Variants in SLC1A2 observed in about 807,000 individuals in gnomAD.
The protein encoded by SLC1A2 is excitatory amino acid transporter 2.
Under a neutral mutation model 48.8 loss-of-function variants are expected in SLC1A2, and 15 were observed. The ratio of observed to expected loss-of-function variants is 0.31; its 90% CI spans 0.21 to 0.47. The LOEUF is 0.47. Ranked by LOEUF, SLC1A2 falls within the 20% of genes least tolerant of loss-of-function variation. The probability of loss-of-function intolerance (pLI) is 0.99; values close to 1 mark genes in which losing one functional copy is unlikely to be tolerated. For missense variants in SLC1A2, 502 were observed against 730.5 expected, an observed-to-expected ratio of 0.69 and a Z score of 3.61; for synonymous variants, 279 against 272.6, an observed-to-expected ratio of 1.02 and a Z score of -0.23.
chr11:35,297,321 C>T (rs553419132), intron 6 of SLC1A2, among the ~76,000 whole-genome samples: 1 of 152,044 alleles, frequency 6.6e-6, no homozygotes, highest in African/African-American at 2.4e-5. Context: ...TCCTTACCCC[C>T]GAGCATCCAC....
intron 6 of SLC1A2, among the ~76,000 whole-genome samples, chr11:35,295,955 A>G (rs1851159151): frequency 6.6e-6 from 1 of 152,196 alleles, no homozygotes; most frequent in African/African-American, 2.4e-5. Context: ...TGGGCTTACC[A>G]CATACCTATG....
chr11:35,253,409 A>C lies in SLC1A2; in HGVS notation c.*7485T>G, dbSNP rs1272491036. On this transcript the variant is annotated 3_prime_UTR_variant, in exon 11 of 11. Transcript: ENST00000278379. ...AGTCTCTGCTACTCAAAGTTTTCCT[A>C]AGCCAATTTCCACATAAACCTTTAG... 2.0e-5 allele frequency: 3 copies of C among 152,592 alleles called. No homozygotes were observed. Among genetic ancestry groups the C allele is most frequent in the African/African-American group, 7.2e-5 (3 of 41,456 alleles). The allele number at this position is 152,592 out of a possible 1,614,324, so 9.5% of individuals were successfully genotyped here.
chr11:35,397,783 C>G (rs1014617231), intron 1 of SLC1A2, among the ~76,000 whole-genome samples: 7 of 152,134 alleles, frequency 4.6e-5, no homozygotes, highest in Non-Finnish European at 7.4e-5. Context: ...AGGGCACCAT[C>G]TATGAGGAAG....
In SLC1A2 at chr11:35,291,156, C is replaced by T. The variant is rs573207647; in HGVS notation, c.1091+1131G>A. ...CCTGCCACCTGTTTTATGATTCAGT[C>T]TTAGTTTTGTGACCCAAGGACATAT... On this transcript the variant is annotated intron_variant, in intron 7 of 10. Coordinates refer to ENST00000278379, the MANE Select transcript of SLC1A2 (RefSeq NM_004171.4). Among the ~76,000 whole-genome samples, 11 of 152,258 alleles carry T rather than the reference C, an allele frequency of 7.2e-5. No homozygotes were observed. In the East Asian group the frequency reaches 2.1e-3, roughly 29 times the overall value.
At chr11:35,386,918 A>G (rs1854600541) in intron 1 of SLC1A2, among the ~76,000 whole-genome samples, 2 of 152,086 alleles carry the variant, frequency 1.3e-5, no homozygotes, top group African/African-American at 4.8e-5. Flanking sequence ...AGGGGCAAAA[A>G]TTTACATCTT....
At chr11:35,285,687 T>C (rs1179689279) in intron 8 of SLC1A2, 1 of 152,144 alleles carries the variant, frequency 6.6e-6, no homozygotes, top group Non-Finnish European at 1.5e-5. Flanking sequence ...GCATAAGTAA[T>C]AGGGAGCAGG....
At chr11:35,342,019 T>C (rs4756213) in intron 1 of SLC1A2, among the ~76,000 whole-genome samples, 92,686 of 152,076 alleles carry the variant, frequency 0.61, 28,459 homozygotes, top group East Asian at 0.7. Context: ...TGCATGTGTA[T>C]ATTTATAATG....
chr11:35,313,823 A>T (rs1183402158), intron 3 of SLC1A2, among the ~76,000 whole-genome samples: 1 of 152,170 alleles, frequency 6.6e-6, no homozygotes, highest in Non-Finnish European at 1.5e-5. Flanking sequence ...GAGTTCCAGC[A>T]TTTCAGGTAC....
chr11:35,403,182 C>T (rs1242524717), intron 1 of SLC1A2, among the ~76,000 whole-genome samples: 1 of 152,212 alleles, frequency 6.6e-6, no homozygotes, highest in African/African-American at 2.4e-5. Context: ...TTCCAAAACC[C>T]TATCAGGTGG....
Position 35,303,790 on chromosome 11 carries a change from T to C in SLC1A2, c.731-2145A>G, listed in dbSNP as rs1591448572. Among the ~76,000 whole-genome samples, 3 of 135,464 alleles carry C rather than the reference T, an allele frequency of 2.2e-5. No individual in the cohort carries two copies. The Admixed American group carries it at 2.2e-4, about 10-fold the overall frequency. The allele number at this position is 135,464 out of a possible 152,430, so 88.9% of individuals were successfully genotyped here. ...AGACCAGAATTGTTTCTGGAGGTTT[T>C]TTAGGAGAGAAATGGTTCCTTAAAG... On this transcript the variant is annotated intron_variant, in intron 5 of 10. Coordinates refer to ENST00000278379, the MANE Select transcript of SLC1A2 (RefSeq NM_004171.4).
intron 1 of SLC1A2, among the ~76,000 whole-genome samples, chr11:35,348,916 C>T (rs1034102194): frequency 4.0e-5 from 5 of 126,028 alleles, no homozygotes; most frequent in African/African-American, 1.5e-4. Flanking sequence ...AAAAAAAAGA[C>T]AGAGAAATTG....
At chr11:35,327,075 C>T (rs1852273950) in intron 1 of SLC1A2, among the ~76,000 whole-genome samples, 1 of 152,218 alleles carries the variant, frequency 6.6e-6, no homozygotes, top group African/African-American at 2.4e-5. Context: ...GTCTTGAAGT[C>T]AACCGTGTTT....
chr11:35,322,586 C>T (rs1408453364), intron 1 of SLC1A2: 4 of 1,534,308 alleles, frequency 2.6e-6, no homozygotes, highest in Non-Finnish European at 3.5e-6. Flanking sequence ...TGACATCTAA[C>T]CTCTCCTCCC....
At chr11:35,372,401 C>T (rs1590240444) in intron 1 of SLC1A2, among the ~76,000 whole-genome samples, 1 of 152,342 alleles carries the variant, frequency 6.6e-6, no homozygotes, top group East Asian at 1.9e-4. Context: ...CATTTAGCCA[C>T]ATGACAACTC....
chr11:35,410,501 T>C (rs1176038656), intron 1 of SLC1A2, among the ~76,000 whole-genome samples: 4 of 152,224 alleles, frequency 2.6e-5, no homozygotes, highest in African/African-American at 7.2e-5. Flanking sequence ...CATTATTTTA[T>C]TATCTTTCTA....
chr11:35,303,451 A>G (rs1345894046), intron 5 of SLC1A2, among the ~76,000 whole-genome samples: 1 of 152,356 alleles, frequency 6.6e-6, no homozygotes, highest in East Asian at 1.9e-4. Flanking sequence ...TAGATCCAGG[A>G]CAGAGGGAAC....
At chr11:35,387,382 A>T (rs1854618458) in intron 1 of SLC1A2, among the ~76,000 whole-genome samples, 1 of 152,096 alleles carries the variant, frequency 6.6e-6, no homozygotes, top group African/African-American at 2.4e-5. Context: ...TGGCTGGCTC[A>T]TTTGGGTCTT....
intron 1 of SLC1A2, among the ~76,000 whole-genome samples, chr11:35,329,119 C>T (rs1045084659): frequency 3.9e-5 from 6 of 152,106 alleles, no homozygotes; most frequent in African/African-American, 1.2e-4. Context: ...AAAATAAATG[C>T]ATATTACTAA....
chr11:35,390,243 A>T (rs1854721459), intron 1 of SLC1A2, among the ~76,000 whole-genome samples: 1 of 151,550 alleles, frequency 6.6e-6, no homozygotes, highest in Non-Finnish European at 1.5e-5. Context: ...TAAGAAATAG[A>T]TGTCTTCTTT....
Sources: allele counts gnomAD v4.1 joint callset (sites outside exome capture counted in the v4.1 genomes callset), GRCh38; gene constraint gnomAD v4.1.1; transcripts MANE v1.5; gene names NCBI Gene and HGNC (gene_info 2026-07-23, HGNC 2026-07-21).